The following CFAP77 variants were observed in gnomAD, a reference collection of about 807,000 sequenced individuals.
The protein encoded by CFAP77 is cilia- and flagella-associated protein 77.
A neutral mutation model predicts 31.1 loss-of-function variants in CFAP77; 25 were observed. That is an observed-to-expected ratio of 0.80 (90% CI 0.59 to 1.12). The LOEUF is 1.12. Ranked by LOEUF, CFAP77 falls within the 50% of genes most tolerant of loss-of-function variation. CFAP77 has a pLI of 0.00. For synonymous variants in CFAP77, 151 were observed against 159.9 expected (o/e 0.94, Z 0.42); for missense variants, 377 against 397.3 (o/e 0.95, Z 0.44).
chr9:132,537,662 CA>C lies in CFAP77; in HGVS notation c.590del (p.Lys197ArgfsTer28). The stretch of plus-strand genomic sequence containing the variant: ...GTACCTGCAGCTGTGGGTACAGGAA[CA>C]AAAGGCCACCCAGAAAGCCATCAAA... ...HRYLQLWVQEQKATQKAIKLE... is the reference protein window; with the variant it reads ...HRYLQLWVQEXKATQKAIKLE... On this transcript the variant is annotated frameshift_variant, in exon 4 of 6. Transcript: ENST00000393216. LOFTEE classifies it high-confidence loss of function. 2 of 1,613,398 alleles carry C rather than the reference CA, an allele frequency of 1.2e-6. No homozygotes were observed. Among genetic ancestry groups the C allele is most frequent in the South Asian group, 1.1e-5 (1 of 90,876 alleles).
At chr9:132,530,121 TTC>T (rs964016724) in intron 3 of CFAP77, among the ~76,000 whole-genome samples, 1 of 150,838 alleles carries the variant, frequency 6.6e-6, no homozygotes, top group African/African-American at 2.4e-5. Flanking sequence ...TTTGCCTCTT[TTC>T]TTTCTTTCTT....
rs569539914 is a variant in CFAP77 at position 132,504,308 on chromosome 9, G to A, written c.524+4708G>A. On this transcript the variant is annotated intron_variant, in intron 3 of 5. Transcript: ENST00000393216. ...TCATCCTAGTGCCGGGGTTTTCCACGGCATCACTGAAGTCAGCTGGGCTCA... is the reference window on the plus strand; with the variant it reads ...TCATCCTAGTGCCGGGGTTTTCCACAGCATCACTGAAGTCAGCTGGGCTCA... Among the ~76,000 whole-genome samples the A allele has an allele frequency of 1.7e-4, 26 of 152,260 alleles. No individual in the cohort carries two copies. The South Asian group carries it at 4.8e-3, about 28-fold the overall frequency.
At position 132,499,295 on chromosome 9, in the gene CFAP77, A is replaced by G; in HGVS notation, c.296-77A>G. The G allele has an allele frequency of 4.4e-6, 6 of 1,362,496 alleles. No homozygotes were observed. In the South Asian group the frequency reaches 6.2e-5, roughly 14 times the overall value. The allele number at this position is 1,362,496 out of a possible 1,614,324, so 84.4% of individuals were successfully genotyped here. A position where few individuals can be genotyped will look rare whatever the true frequency, so the allele number is the denominator to read the frequency against. Reference sequence around the variant, plus strand: ...GAAGGCCGAGGACCCGCGTGCCCCCATTTCTTCTCGATCAGCTGCCTCAGG... The same window carrying G: ...GAAGGCCGAGGACCCGCGTGCCCCCGTTTCTTCTCGATCAGCTGCCTCAGG... On this transcript the variant is annotated intron_variant, in intron 2 of 5. Transcript: ENST00000393216. The surrounding 1 kb of genome is among the most constrained non-coding windows in gnomAD (Gnocchi z 5.4).
chr9:132,506,076 G>A (rs1373332494), intron 3 of CFAP77, among the ~76,000 whole-genome samples: 3 of 152,198 alleles, frequency 2.0e-5, no homozygotes, highest in African/African-American at 7.2e-5. Flanking sequence ...GAGGCGTTAC[G>A]GTGCAGAGCC....
At chr9:132,514,534 G>A (rs1319579957) in intron 3 of CFAP77, among the ~76,000 whole-genome samples, 19 of 152,122 alleles carry the variant, frequency 1.2e-4, no homozygotes, top group Admixed American at 1.2e-3. Context: ...TTTCTGAGTG[G>A]CCTGGCGGAT....
At chr9:132,439,442 C>A (rs1353060573) in intron 1 of CFAP77, among the ~76,000 whole-genome samples, 1 of 151,914 alleles carries the variant, frequency 6.6e-6, no homozygotes, top group Non-Finnish European at 1.5e-5. Flanking sequence ...TCACTCCCCG[C>A]TCTGAGCCCT....
rs974299462 is a variant in CFAP77, at chr9:132,554,619, G to T, written c.732+11572G>T. On this transcript the variant is annotated intron_variant, in intron 5 of 5. Transcript: ENST00000393216. The surrounding 1 kb of genome is among the most constrained non-coding windows in gnomAD (Gnocchi z 4.1). The stretch of plus-strand genomic sequence containing the variant: ...CCCAAAGTGTTAGGATCACAGGCAT[G>T]AGCCACTATGCCCAGCCCTTAAATA... 6.6e-6 allele frequency among the ~76,000 whole-genome samples: 1 copy of T among 152,212 alleles called. No homozygotes were observed. Among genetic ancestry groups the T allele is most frequent in the Non-Finnish European group, 1.5e-5 (1 of 68,040 alleles).
chr9:132,492,242 C>T (rs539853723), intron 1 of CFAP77, among the ~76,000 whole-genome samples: 14 of 152,090 alleles, frequency 9.2e-5, no homozygotes, highest in African/African-American at 2.9e-4. Flanking sequence ...AAGCTGTGAT[C>T]GTGCCCCTGC....
chr9:132,514,560 C>G (rs1852110827), intron 3 of CFAP77, among the ~76,000 whole-genome samples: 1 of 152,148 alleles, frequency 6.6e-6, no homozygotes. Flanking sequence ...GTTCTCAGCC[C>G]TTTCCATTTT....
chr9:132,460,099 G>T (rs1010669038), intron 1 of CFAP77, among the ~76,000 whole-genome samples: 1 of 152,164 alleles, frequency 6.6e-6, no homozygotes, highest in African/African-American at 2.4e-5. Flanking sequence ...CCTTTGGAGT[G>T]AATGGAAGAG....
chr9:132,551,513 C>G (rs1407663487), intron 5 of CFAP77, among the ~76,000 whole-genome samples: 1 of 152,100 alleles, frequency 6.6e-6, no homozygotes, highest in Non-Finnish European at 1.5e-5. Flanking sequence ...CCAGGCTGGT[C>G]TCGAACTCCT....
chr9:132,461,182 A>G (rs559402035), intron 1 of CFAP77, among the ~76,000 whole-genome samples: 13 of 152,368 alleles, frequency 8.5e-5, no homozygotes, highest in African/African-American at 2.9e-4. Flanking sequence ...AGTAACAGTG[A>G]CACAACTCAC....
At chr9:132,524,750 A>G (rs544700098) in intron 3 of CFAP77, among the ~76,000 whole-genome samples, 112 of 151,010 alleles carry the variant, frequency 7.4e-4, no homozygotes, top group South Asian at 3.6e-3. Flanking sequence ...CCGGGTTCAC[A>G]CCATTCTCCT....
At chr9:132,431,849 C>A (rs1205289471) in intron 1 of CFAP77, among the ~76,000 whole-genome samples, 1 of 152,086 alleles carries the variant, frequency 6.6e-6, no homozygotes, top group African/African-American at 2.4e-5. Flanking sequence ...ACTTTTGCAC[C>A]AACCTAGTAC....
chr9:132,422,736 G>A (rs1463490765), intron 1 of CFAP77, among the ~76,000 whole-genome samples: 1 of 152,310 alleles, frequency 6.6e-6, no homozygotes, highest in East Asian at 1.9e-4. Context: ...AAAGGGCTGA[G>A]AGACAGGTCC....
Position 132,481,964 on chromosome 9 carries a change from G to T in CFAP77, c.196-16731G>T, listed in dbSNP as rs111848768. Among the ~76,000 whole-genome samples the T allele has an allele frequency of 3.0e-4, 41 of 137,952 alleles. 2 individuals are homozygous for T. The highest frequency in any genetic ancestry group is 4.7e-4 in the Admixed American group (6 of 12,770). 90.5% of individuals were successfully genotyped at this position (137,952 alleles called of 152,430 possible). ...AAGGAACAAGGGTTTATGGTTGGGG[G>T]GGGGGGGGGCGGCGGAACACTGAAC... On this transcript the variant is annotated intron_variant, in intron 1 of 5. Coordinates refer to ENST00000393216, the MANE Select transcript of CFAP77 (RefSeq NM_001282957.2). This position sits in a 1 kb window ranked among gnomAD's most constrained non-coding sequence, Gnocchi z 5.0.
rs1564251132 is a variant in CFAP77, at chr9:132,554,931, T to TCCAC, written c.732+11887_732+11888insCCCA. ...ATCTATGCATGCATGCATGCATCCA[T>TCCAC]CCATCCACCCATCCATCCATCCATC... On this transcript the variant is annotated intron_variant, in intron 5 of 5. Coordinates refer to ENST00000393216, the MANE Select transcript of CFAP77 (RefSeq NM_001282957.2). The surrounding 1 kb of genome is among the most constrained non-coding windows in gnomAD (Gnocchi z 4.1). Among the ~76,000 whole-genome samples the TCCAC allele has an allele frequency of 2.9e-5, 4 of 137,438 alleles. No individual in the cohort carries two copies. Among genetic ancestry groups the TCCAC allele is most frequent in the Non-Finnish European group, 3.1e-5 (2 of 65,276 alleles). 90.2% of individuals were successfully genotyped at this position (137,438 alleles called of 152,430 possible). A position where few individuals can be genotyped will look rare whatever the true frequency, so the allele number is the denominator to read the frequency against.
intron 5 of CFAP77, among the ~76,000 whole-genome samples, chr9:132,560,999 A>C (rs17149284): frequency 0.022 from 3,281 of 152,284 alleles, 113 homozygotes; most frequent in African/African-American, 0.073. Context: ...CAGTGGCAGA[A>C]TAACAATCTA....
chr9:132,537,916 C>T (rs1318284689), intron 4 of CFAP77, among the ~76,000 whole-genome samples: 1 of 152,140 alleles, frequency 6.6e-6, no homozygotes, highest in South Asian at 2.1e-4. Context: ...AAGCTCAGAG[C>T]GTAGAGGAGA....
Sources: allele counts gnomAD v4.1 joint callset (sites outside exome capture counted in the v4.1 genomes callset), GRCh38; gene constraint gnomAD v4.1.1; non-coding constraint Gnocchi (gnomAD v3.1); transcripts MANE v1.5; gene names NCBI Gene and HGNC (gene_info 2026-07-23, HGNC 2026-07-21).